Variants in FBXL7 observed in about 807,000 individuals in gnomAD.
The protein encoded by FBXL7 is F-box and leucine rich repeat protein 7.
In FBXL7, 12 loss-of-function variants were observed where a neutral mutation model predicts 38.3. The ratio of observed to expected loss-of-function variants is 0.31; its 90% CI spans 0.20 to 0.51. The LOEUF is 0.51. FBXL7 is among the 20% of genes least tolerant of loss of function. The pLI is 0.98. For synonymous variants in FBXL7, 297 were observed against 300.9 expected (o/e 0.99, Z 0.13); for missense variants, 567 against 676.4 (o/e 0.84, Z 1.79).
chr5:15,874,935 A>T (rs1373602203), intron 2 of FBXL7, among the ~76,000 whole-genome samples: 1 of 152,244 alleles, frequency 6.6e-6, no homozygotes, highest in Non-Finnish European at 1.5e-5. Context: ...TATGGAATGA[A>T]AAAAGAGCCC....
At chr5:15,715,708 A>C (rs1744023802) in intron 2 of FBXL7, among the ~76,000 whole-genome samples, 1 of 152,162 alleles carries the variant, frequency 6.6e-6, no homozygotes, top group Non-Finnish European at 1.5e-5. Context: ...TTCAGGCTAT[A>C]GTTTGCTAAC....
At chr5:15,571,860 G>A (rs534818335) in intron 1 of FBXL7, among the ~76,000 whole-genome samples, 80 of 152,206 alleles carry the variant, frequency 5.3e-4, no homozygotes, top group Admixed American at 1.0e-3. Flanking sequence ...AAGTGACTGC[G>A]TGCATCATCT....
intron 2 of FBXL7, among the ~76,000 whole-genome samples, chr5:15,925,482 G>A (rs533379803): frequency 3.3e-5 from 5 of 152,314 alleles, no homozygotes; most frequent in Middle Eastern, 3.4e-3. Context: ...AAATTGCAGC[G>A]ATAGAAAAAG....
chr5:15,622,831 A>C (rs974104460), intron 2 of FBXL7, among the ~76,000 whole-genome samples: 3 of 152,100 alleles, frequency 2.0e-5, no homozygotes, highest in African/African-American at 7.2e-5. Flanking sequence ...CAGCCTCCCA[A>C]GTAGTTGGGA....
At chr5:15,547,332 CT>C (rs1737941284) in intron 1 of FBXL7, among the ~76,000 whole-genome samples, 1 of 152,208 alleles carries the variant, frequency 6.6e-6, no homozygotes. Context: ...GACAACTGAG[CT>C]GGTGTCTGGG....
intron 2 of FBXL7, among the ~76,000 whole-genome samples, chr5:15,754,166 C>G (rs988005894): frequency 1.1e-4 from 17 of 152,158 alleles, no homozygotes; most frequent in Non-Finnish European, 2.1e-4. Flanking sequence ...TTGAGAATCA[C>G]TGGATTGGAT....
rs35896061 is a variant in FBXL7, at chr5:15,851,813, T to TAC, written c.128-76041_128-76040dup. On this transcript the variant is annotated intron_variant, in intron 2 of 3. Transcript: ENST00000504595. ...TGGAAAAAAAGATTCTGCAAACTAA[T>TAC]ACACACACACACACACACACACACA... Among the ~76,000 whole-genome samples, 145 of 133,698 alleles carry TAC rather than the reference T, an allele frequency of 1.1e-3. 2 individuals carry two copies. The highest frequency in any genetic ancestry group is 4.1e-3 in the South Asian group (17 of 4,116). 87.7% of individuals were successfully genotyped at this position (133,698 alleles called of 152,430 possible).
At chr5:15,865,252 C>G (rs1380449849) in intron 2 of FBXL7, among the ~76,000 whole-genome samples, 3 of 152,056 alleles carry the variant, frequency 2.0e-5, no homozygotes, top group African/African-American at 7.2e-5. Flanking sequence ...CATCTAAATG[C>G]TACGAGCTGA....
intron 2 of FBXL7, among the ~76,000 whole-genome samples, chr5:15,804,313 T>A (rs932974459): frequency 4.6e-5 from 7 of 151,600 alleles, no homozygotes; most frequent in Non-Finnish European, 8.8e-5. Flanking sequence ...ACAAAAAAAT[T>A]TAAGAACTAG....
intron 2 of FBXL7, among the ~76,000 whole-genome samples, chr5:15,803,414 T>A (rs1467397551): frequency 1.3e-5 from 2 of 152,198 alleles, no homozygotes; most frequent in Non-Finnish European, 2.9e-5. Flanking sequence ...CACAGTTAAT[T>A]TGCATGAATC....
intron 2 of FBXL7, among the ~76,000 whole-genome samples, chr5:15,713,109 C>T (rs1010858721): frequency 2.0e-5 from 3 of 152,072 alleles, no homozygotes; most frequent in African/African-American, 7.2e-5. Context: ...TGAGACCGGG[C>T]AATTTATGAA....
At chr5:15,730,946 C>T (rs1735563020) in intron 2 of FBXL7, among the ~76,000 whole-genome samples, 1 of 152,138 alleles carries the variant, frequency 6.6e-6, no homozygotes, top group Non-Finnish European at 1.5e-5. Context: ...GATTGAAACT[C>T]CATGCCTATC....
At chr5:15,833,553 A>T (rs148067823) in intron 2 of FBXL7, among the ~76,000 whole-genome samples, 121 of 152,348 alleles carry the variant, frequency 7.9e-4, no homozygotes, top group African/African-American at 2.7e-3. Flanking sequence ...ATCTTCCCTG[A>T]TGATTTAATT....
rs189732448 is a variant in FBXL7, at chr5:15,512,153, C to G, written c.37+11440C>G. Among the ~76,000 whole-genome samples the G allele has an allele frequency of 1.2e-3, 176 of 152,268 alleles. 1 individual carries two copies. Among genetic ancestry groups the G allele is most frequent in the Admixed American group, 2.8e-3 (43 of 15,308 alleles). On this transcript the variant is annotated intron_variant, in intron 1 of 3. Coordinates refer to ENST00000504595, the MANE Select transcript of FBXL7 (RefSeq NM_012304.5). ...TCTCTTATCCTTTGTTGTTGAATAA[C>G]TGCATTTCACAGAGGTCTTTGGAAG...
intron 2 of FBXL7, among the ~76,000 whole-genome samples, chr5:15,799,006 A>G (rs1409236688): frequency 2.6e-5 from 4 of 152,216 alleles, no homozygotes; most frequent in Non-Finnish European, 4.4e-5. Flanking sequence ...TTGATTGCAA[A>G]TAATCACACA....
intron 2 of FBXL7, among the ~76,000 whole-genome samples, chr5:15,733,302 A>C (rs1368815906): frequency 6.6e-6 from 1 of 152,180 alleles, no homozygotes; most frequent in African/African-American, 2.4e-5. Flanking sequence ...CACCTTGGCC[A>C]GGCTGGTCTT....
Position 15,937,055 on chromosome 5 carries a change from G to A in FBXL7, c.1345G>A (p.Val449Met), listed in dbSNP as rs780411343. The A allele has an allele frequency of 2.5e-5, 41 of 1,613,866 alleles. No homozygotes were observed. The highest frequency in any genetic ancestry group is 6.7e-5 in the African/African-American group (5 of 74,940). ...CATCACCGGCCAGGGCTTGCAGATC[G>A]TGGCCGCCAACTGCTTTGACCTCCA... The part of the protein sequence containing the change: ...ESITGQGLQI[V>M]AANCFDLQTL... The change falls in exon 4 of 4, where the codon GTG becomes ATG. Residue 449 changes from valine (V) to methionine (M), a missense_variant. Val to Met is a conservative substitution (Grantham distance 21, BLOSUM62 1). Transcript: ENST00000504595.
intron 1 of FBXL7, among the ~76,000 whole-genome samples, chr5:15,599,215 T>C (rs896274885): frequency 4.6e-5 from 7 of 152,060 alleles, no homozygotes; most frequent in Non-Finnish European, 8.8e-5. Context: ...GGTAATAAAA[T>C]TGGGACCTTC....
chr5:15,798,283 ACT>A (rs1737469089), intron 2 of FBXL7, among the ~76,000 whole-genome samples: 1 of 151,834 alleles, frequency 6.6e-6, no homozygotes, highest in African/African-American at 2.4e-5. Context: ...CTGACCTGAG[ACT>A]CTCCTCTTCC....
Sources: gnomAD v4.1 joint callset for allele counts (sites outside exome capture counted in the v4.1 genomes callset) on GRCh38, gnomAD v4.1.1 for gene constraint, MANE v1.5 for transcripts, NCBI Gene and HGNC (gene_info 2026-07-23, HGNC 2026-07-21) for gene names.